Variants in ZNF577 observed in about 807,000 individuals in gnomAD.
ZNF577 encodes zinc finger protein 577.
A neutral mutation model predicts 13.9 loss-of-function variants in ZNF577; 14 were observed. That is an observed-to-expected ratio of 1.00 (90% CI 0.66 to 1.57). The LOEUF is 1.57. ZNF577 is among the 40% of genes most tolerant of loss of function. The probability of loss-of-function intolerance (pLI) is 0.00; values close to 1 mark genes in which losing one functional copy is unlikely to be tolerated. For synonymous variants in ZNF577, 203 were observed against 202.9 expected, an observed-to-expected ratio of 1.00 and a Z score of 0.00; for missense variants, 555 against 579.2, an observed-to-expected ratio of 0.96 and a Z score of 0.43.
At position 51,871,771 on chromosome 19, in the gene ZNF577, G is replaced by A. The variant is rs1251489177; in HGVS notation, c.*761C>T. The A allele has an allele frequency of 2.6e-5, 4 of 152,108 alleles. No individual in the cohort carries two copies. Among genetic ancestry groups the A allele is most frequent in the African/African-American group, 9.7e-5 (4 of 41,404 alleles). The allele number at this position is 152,108 out of a possible 1,614,324, so 9.4% of individuals were successfully genotyped here. ...GATTGGCCATTGCTGGTTTTGAAAGGAGGCCCCAAACCACAGAATTTGGGC... is the reference window on the plus strand; with the variant it reads ...GATTGGCCATTGCTGGTTTTGAAAGAAGGCCCCAAACCACAGAATTTGGGC... On this transcript the variant is annotated 3_prime_UTR_variant, in exon 6 of 6. Coordinates refer to ENST00000638348, the MANE Select transcript of ZNF577 (RefSeq NM_001370449.1).
chr19:51,821,132 T>G (rs1257699101), intron 9 of ZNF577, among the ~76,000 whole-genome samples: 1 of 152,198 alleles, frequency 6.6e-6, no homozygotes, highest in Non-Finnish European at 1.5e-5. Flanking sequence ...AAGATTTCCA[T>G]GTCCAGTCTC....
Position 51,813,003 on chromosome 19 carries a change from T to C in ZNF577, c.*600-1329A>G, listed in dbSNP as rs2084107901. Among the ~76,000 whole-genome samples the C allele has an allele frequency of 3.3e-5, 5 of 152,014 alleles. No homozygotes were observed. The South Asian group carries it at 1.0e-3, about 32-fold the overall frequency. On this transcript the variant is annotated intron_variant and NMD_transcript_variant, in intron 9 of 10. Transcript: ENST00000638827. Reference sequence around the variant, plus strand: ...AGGCATGGTGGTGAACCTGTAGTTCTAGCTACTGGGGAGGCTGAGGTAAGG... The same window carrying C: ...AGGCATGGTGGTGAACCTGTAGTTCCAGCTACTGGGGAGGCTGAGGTAAGG...
At chr19:51,857,061 G>A (rs1193702797) in intron 5 of ZNF577, among the ~76,000 whole-genome samples, 1 of 152,100 alleles carries the variant, frequency 6.6e-6, no homozygotes, top group East Asian at 1.9e-4. Flanking sequence ...AGCACTTTGG[G>A]AGGCCGAGGC....
At chr19:51,866,671 C>T (rs1316866987), downstream of ZNF577, among the ~76,000 whole-genome samples, 3 of 152,182 alleles carry the variant, frequency 2.0e-5, no homozygotes, top group African/African-American at 4.8e-5. Flanking sequence ...AAAATTAATA[C>T]ATTATTGACA....
intron 1 of ZNF577, among the ~76,000 whole-genome samples, chr19:51,881,682 C>T (rs911253560): frequency 4.6e-5 from 7 of 152,188 alleles, no homozygotes; most frequent in Non-Finnish European, 1.5e-5. Context: ...CTTCCCAGCA[C>T]TTTACACTGC....
intron 5 of ZNF577, among the ~76,000 whole-genome samples, chr19:51,850,770 G>A (rs554049195): frequency 7.2e-5 from 11 of 152,336 alleles, no homozygotes; most frequent in African/African-American, 2.6e-4. Context: ...AGTGAAGATG[G>A]TCTTGGGGAC....
downstream of ZNF577, chr19:51,862,795 G>C (rs976977550): frequency 6.6e-6 from 1 of 152,096 alleles, no homozygotes; most frequent in African/African-American, 2.4e-5. Flanking sequence ...TTTTGAGAAG[G>C]CTTTTTCACA....
At chr19:51,877,471 C>T in intron 4 of ZNF577, 94 bp from the exon 5 acceptor site, 2 of 1,041,762 alleles carry the variant, frequency 1.9e-6, no homozygotes, top group South Asian at 1.4e-5. Context: ...AGCATTTGCA[C>T]TTTGATAAAG....
chr19:51,820,552 C>T (rs2084180806), intron 9 of ZNF577, among the ~76,000 whole-genome samples: 1 of 152,184 alleles, frequency 6.6e-6, no homozygotes, highest in South Asian at 2.1e-4. Context: ...CTGTCCCCAC[C>T]TGTCACTGCA....
At chr19:51,866,920 G>A (rs770063215), downstream of ZNF577, among the ~76,000 whole-genome samples, 1 of 152,108 alleles carries the variant, frequency 6.6e-6, no homozygotes, top group Non-Finnish European at 1.5e-5. Flanking sequence ...GGCAGAGGTT[G>A]CAGTGAGCCA....
intron 5 of ZNF577, among the ~76,000 whole-genome samples, chr19:51,875,327 C>A (rs1430618072): frequency 4.9e-5 from 7 of 142,590 alleles, no homozygotes; most frequent in African/African-American, 1.8e-4. Flanking sequence ...TGGGCCACTG[C>A]ACTCCAACCT....
At chr19:51,825,988 G>C (rs1367658091) in intron 9 of ZNF577, 1 of 166,680 alleles carries the variant, frequency 6.0e-6, no homozygotes, top group Non-Finnish European at 1.5e-5. Flanking sequence ...GACTGTTGAA[G>C]GTTTCTTCTA....
At chr19:51,816,003 G>A (rs1169340237) in intron 9 of ZNF577, among the ~76,000 whole-genome samples, 1 of 152,010 alleles carries the variant, frequency 6.6e-6, no homozygotes, top group Non-Finnish European at 1.5e-5. Flanking sequence ...GGAGTTTGAG[G>A]CTGCAGTGAG....
intron 9 of ZNF577, among the ~76,000 whole-genome samples, chr19:51,822,256 T>G (rs562003570): frequency 4.6e-5 from 7 of 152,296 alleles, no homozygotes; most frequent in Admixed American, 1.3e-4. Flanking sequence ...TTGCCCAGAA[T>G]TTAGTCATGT....
At chr19:51,847,461 A>C in intron 5 of ZNF577, among the ~76,000 whole-genome samples, 1 of 151,690 alleles carries the variant, frequency 6.6e-6, no homozygotes, top group East Asian at 1.9e-4. Context: ...CAAATACTCA[A>C]ACTTGGACCC....
At chr19:51,864,659 A>C (rs2084539997), downstream of ZNF577, among the ~76,000 whole-genome samples, 1 of 152,210 alleles carries the variant, frequency 6.6e-6, no homozygotes, top group Non-Finnish European at 1.5e-5. Context: ...ACGGTGAAGC[A>C]AGGATGACTT....
intron 3 of ZNF577, 48 bp downstream of exon 3, chr19:51,880,275 T>C (rs753796526): frequency 6.3e-7 from 1 of 1,588,380 alleles, no homozygotes; most frequent in Non-Finnish European, 8.6e-7. Context: ...ACAAAAGCTC[T>C]CTGAAGGAAA....
chr19:51,818,870 A>T (rs191868005), intron 9 of ZNF577, among the ~76,000 whole-genome samples: 1 of 152,294 alleles, frequency 6.6e-6, no homozygotes, highest in Admixed American at 6.5e-5. Flanking sequence ...GAAGAATAAC[A>T]TCATTGTCTT....
At chr19:51,863,375 C>T (rs534359665), downstream of ZNF577, 1 of 152,212 alleles carries the variant, frequency 6.6e-6, no homozygotes, top group African/African-American at 2.4e-5. Context: ...TCCCATTTAC[C>T]ATAAAAAGAT....
Sources: gnomAD v4.1 joint callset for allele counts (sites outside exome capture counted in the v4.1 genomes callset) on GRCh38, gnomAD v4.1.1 for gene constraint, MANE v1.5 for transcripts, NCBI Gene and HGNC (gene_info 2026-07-23, HGNC 2026-07-21) for gene names.